ZBTB7C: variants seen among roughly 807,000 people sequenced by gnomAD.
ZBTB7C encodes zinc finger and BTB domain containing 7C.
In ZBTB7C, 8 loss-of-function variants were observed where a neutral mutation model predicts 25.7. The ratio of observed to expected loss-of-function variants is 0.31; its 90% CI spans 0.18 to 0.56. The LOEUF is 0.56. Ranked by LOEUF, ZBTB7C falls within the 20% of genes least tolerant of loss-of-function variation. The probability of loss-of-function intolerance (pLI) is 0.91; values close to 1 mark genes in which losing one functional copy is unlikely to be tolerated. For missense variants in ZBTB7C, 824 were observed against 855.2 expected (o/e 0.96, Z 0.46); for synonymous variants, 394 against 369.0 (o/e 1.07, Z -0.78).
intron 3 of ZBTB7C, among the ~76,000 whole-genome samples, chr18:48,064,814 G>T (rs1811316515): frequency 1.3e-5 from 2 of 152,112 alleles, no homozygotes; most frequent in Admixed American, 1.3e-4. Context: ...CCCCCGGGAG[G>T]AGTAGGATGC....
At chr18:48,371,253 T>C in intron 1 of ZBTB7C, among the ~76,000 whole-genome samples, 1 of 152,188 alleles carries the variant, frequency 6.6e-6, no homozygotes, top group East Asian at 1.9e-4. Flanking sequence ...AAACTCCTCA[T>C]AAGCCTCCTG....
chr18:48,192,194 GA>G (rs2042213940), intron 2 of ZBTB7C, among the ~76,000 whole-genome samples: 1 of 152,196 alleles, frequency 6.6e-6, no homozygotes, highest in Non-Finnish European at 1.5e-5. Flanking sequence ...GAAAGCAGGT[GA>G]AAGAAGGCAA....
chr18:48,235,887 T>C (rs757885850), intron 2 of ZBTB7C, among the ~76,000 whole-genome samples: 1 of 152,204 alleles, frequency 6.6e-6, no homozygotes, highest in Non-Finnish European at 1.5e-5. Flanking sequence ...GATTTCACTT[T>C]CAAATTTCTA....
chr18:48,126,925 A>AGAT (rs1227443794), intron 3 of ZBTB7C, among the ~76,000 whole-genome samples: 1 of 152,050 alleles, frequency 6.6e-6, no homozygotes, highest in Non-Finnish European at 1.5e-5. Context: ...AAAGAAATAG[A>AGAT]GATGGGAGAG....
At chr18:48,272,249 C>T (rs1476032660) in intron 2 of ZBTB7C, among the ~76,000 whole-genome samples, 1 of 152,184 alleles carries the variant, frequency 6.6e-6, no homozygotes, top group South Asian at 2.1e-4. Context: ...GCTTTGATGG[C>T]CAAAGTAGGA....
rs146538852 is a variant in ZBTB7C, at chr18:48,395,568, G to A, written c.-304+13658C>T. Among the ~76,000 whole-genome samples the A allele has an allele frequency of 1.8e-3, 267 of 152,114 alleles. 1 individual carries two copies. The highest frequency in any genetic ancestry group is 6.1e-3 in the African/African-American group (255 of 41,480). On this transcript the variant is annotated intron_variant, in intron 1 of 4. Transcript: ENST00000590800. The stretch of plus-strand genomic sequence containing the variant: ...TTCTATGCGAATGCTTTACCACCCT[G>A]ACAAATGGCTACTTTCCCAGGGAAT...
At chr18:48,260,818 C>T (rs2044151647) in intron 2 of ZBTB7C, among the ~76,000 whole-genome samples, 1 of 152,192 alleles carries the variant, frequency 6.6e-6, no homozygotes. Context: ...GCAAAGCCTG[C>T]CCTAGGCCTG....
chr18:48,351,924 C>T (rs960420824), intron 1 of ZBTB7C, among the ~76,000 whole-genome samples: 2 of 152,126 alleles, frequency 1.3e-5, no homozygotes, highest in African/African-American at 4.8e-5. Context: ...AGTGCTAAGT[C>T]CCAGCAGGTG....
intron 4 of ZBTB7C, among the ~76,000 whole-genome samples, chr18:48,036,212 A>C (rs1286453613): frequency 6.6e-6 from 1 of 152,250 alleles, no homozygotes; most frequent in Admixed American, 6.5e-5. Flanking sequence ...ACACCAAAGA[A>C]CAGACAATAC....
At chr18:48,321,206 G>C (rs2046084721) in intron 2 of ZBTB7C, among the ~76,000 whole-genome samples, 2 of 152,180 alleles carry the variant, frequency 1.3e-5, no homozygotes, top group Admixed American at 1.3e-4. Flanking sequence ...AGGTGGCCTG[G>C]TCTAGCTCCC....
Position 48,332,673 on chromosome 18 carries a change from CTTTTTTT to C in ZBTB7C, c.-79+5494_-79+5500del, listed in dbSNP as rs58216606. ...TTGGTGACCTTTTACCTCTCCTTTG[CTTTTTTT>C]TTTTTTTTTTTTTTTTTTAAGAAAA... On this transcript the variant is annotated intron_variant, in intron 2 of 4. Coordinates refer to ENST00000590800, the MANE Select transcript of ZBTB7C (RefSeq NM_001318841.2). Among the ~76,000 whole-genome samples the C allele has an allele frequency of 1.5e-4, 13 of 85,716 alleles. No individual in the cohort carries two copies. In the South Asian group the frequency reaches 1.9e-3, roughly 12 times the overall value. The allele number at this position is 85,716 out of a possible 152,430, so 56.2% of individuals were successfully genotyped here.
At chr18:48,110,391 C>G (rs895644773) in intron 3 of ZBTB7C, among the ~76,000 whole-genome samples, 10 of 152,310 alleles carry the variant, frequency 6.6e-5, no homozygotes, top group Middle Eastern at 3.4e-3. Flanking sequence ...TCTTAGCCAG[C>G]CTGCTCTGCA....
rs147497090 is a variant in ZBTB7C, at chr18:48,049,822, G to C, written c.-16-8699C>G. On this transcript the variant is annotated intron_variant, in intron 3 of 4. Transcript: ENST00000590800. ...TTCTATTGCTATGATCCACAAGTCT[G>C]GTGCCTCCCTGAATCCTGCTCAGCT... is the stretch of plus-strand genomic sequence containing the variant. Among the ~76,000 whole-genome samples the C allele has an allele frequency of 3.9e-3, 597 of 152,216 alleles. 5 individuals carry two copies. The highest frequency in any genetic ancestry group is 0.031 in the Middle Eastern group (9 of 294).
intron 3 of ZBTB7C, chr18:48,150,126 C>T (rs2040629151): frequency 6.6e-6 from 1 of 151,844 alleles, no homozygotes; most frequent in African/African-American, 2.4e-5. Flanking sequence ...TTCTTTTAAT[C>T]CTTACCAACA....
At chr18:48,109,007 G>A (rs776042416) in intron 3 of ZBTB7C, among the ~76,000 whole-genome samples, 1 of 152,180 alleles carries the variant, frequency 6.6e-6, no homozygotes, top group East Asian at 1.9e-4. Context: ...GCCCTGGCAG[G>A]AGACATTTTT....
At chr18:48,124,054 T>C (rs2039718604) in intron 3 of ZBTB7C, among the ~76,000 whole-genome samples, 1 of 152,142 alleles carries the variant, frequency 6.6e-6, no homozygotes, top group Admixed American at 6.5e-5. Context: ...ATCATTTGAG[T>C]TGTCAAGTTA....
At position 48,252,855 on chromosome 18, in the gene ZBTB7C, T is replaced by C. The variant is rs1599196137; in HGVS notation, c.-78-66860A>G. The C allele has an allele frequency of 2.0e-5, 3 of 152,170 alleles. No individual in the cohort carries two copies. In the East Asian group the frequency reaches 5.8e-4, roughly 29 times the overall value. 9.4% of individuals were successfully genotyped at this position (152,170 alleles called of 1,614,324 possible). A position where few individuals can be genotyped will look rare whatever the true frequency, so the allele number is the denominator to read the frequency against. On this transcript the variant is annotated intron_variant, in intron 2 of 4. Coordinates refer to ENST00000590800, the MANE Select transcript of ZBTB7C (RefSeq NM_001318841.2). ...AAGGTTAAGGAGGCAGTCCCTGACATTTATTAGTGGAATTTCTGTTTCTAT... is the reference window on the plus strand; with the variant it reads ...AAGGTTAAGGAGGCAGTCCCTGACACTTATTAGTGGAATTTCTGTTTCTAT...
chr18:48,197,525 C>T (rs2042345259), intron 2 of ZBTB7C, among the ~76,000 whole-genome samples: 1 of 152,166 alleles, frequency 6.6e-6, no homozygotes, highest in African/African-American at 2.4e-5. Context: ...CTGTATTGGT[C>T]AGCTAGGGCT....
intron 1 of ZBTB7C, among the ~76,000 whole-genome samples, chr18:48,340,859 C>T (rs1274592283): frequency 6.6e-6 from 1 of 152,196 alleles, no homozygotes; most frequent in Non-Finnish European, 1.5e-5. Flanking sequence ...GGACAAGGGA[C>T]ACTTAGGGCA....
Sources: allele counts gnomAD v4.1 joint callset (sites outside exome capture counted in the v4.1 genomes callset), GRCh38; gene constraint gnomAD v4.1.1; transcripts MANE v1.5; gene names NCBI Gene and HGNC (gene_info 2026-07-23, HGNC 2026-07-21).